AHNAK: variants seen among roughly 807,000 people sequenced by gnomAD.
AHNAK encodes neuroblast differentiation-associated protein AHNAK.
A neutral mutation model predicts 37.8 loss-of-function variants in AHNAK; 23 were observed. That is an observed-to-expected ratio of 0.61 (90% CI 0.44 to 0.86). The LOEUF (loss-of-function observed/expected upper bound fraction) is 0.86, where lower values mean the gene tolerates loss of function less well. Among genes scored for constraint, AHNAK ranks in the 40% least tolerant of loss-of-function variants. The pLI is 0.00. For missense variants in AHNAK, 7,411 were observed against 7,319.4 expected (o/e 1.01, Z -0.46); for synonymous variants, 2,481 against 2,636.3 (o/e 0.94, Z 1.80).
chr11:62,500,541 G>T (rs567438424), intron 4 of AHNAK, among the ~76,000 whole-genome samples: 1 of 152,166 alleles, frequency 6.6e-6, no homozygotes, highest in African/African-American at 2.4e-5. Context: ...CAGAGAGCCC[G>T]ATGATGACAC....
In AHNAK at chr11:62,525,624, G is replaced by A. The variant is rs377182257; in HGVS notation, c.8793C>T (p.Asp2931=). The A allele has an allele frequency of 1.3e-5, 21 of 1,612,654 alleles. No individual in the cohort carries two copies. The highest frequency in any genetic ancestry group is 8.8e-5 in the South Asian group (8 of 91,022). The change falls in exon 5 of 5, where the codon GAC becomes GAT. Residue 2931 remains aspartate, a synonymous_variant. Coordinates refer to ENST00000378024, the MANE Select transcript of AHNAK (RefSeq NM_001620.3). ...ADVDVSGPKV[D]VEGPDVNIEG... is the part of the protein sequence containing the mutation. ...CAATGTTAACATCAGGGCCTTCAACGTCCACTTTGGGGCCTGAGACATCAA... is the reference window on the plus strand; with the variant it reads ...CAATGTTAACATCAGGGCCTTCAACATCCACTTTGGGGCCTGAGACATCAA...
In AHNAK at chr11:62,506,623, G is replaced by T. The variant is rs557591850; in HGVS notation, c.343-14792C>A. Among the ~76,000 whole-genome samples, 13 of 152,334 alleles carry T rather than the reference G, an allele frequency of 8.5e-5. No homozygotes were observed. The South Asian group carries it at 2.7e-3, about 32-fold the overall frequency. On this transcript the variant is annotated intron_variant, in intron 4 of 5. Coordinates refer to the AHNAK transcript ENST00000257247. ...GTGCCTGGCCTGCATTTTCCTAGCT[G>T]CAGGGCAGCAGGACGCCATGGGCTT...
rs370827020 is a variant in AHNAK, at chr11:62,520,125, G to A, written c.14292C>T (p.Ile4764=). The change falls in exon 5 of 5, where the codon ATC becomes ATT. Residue 4764 remains isoleucine (I), a synonymous_variant. Coordinates refer to ENST00000378024, the MANE Select transcript of AHNAK (RefSeq NM_001620.3). ...CATGAACATCCACATCAGGGGTGTT[G>A]ATGTCCACTTTTGGGCCCTTGATGT... ...EADIKGPKVD[I]NTPDVDVHGP... 79 of 1,611,376 alleles carry A rather than the reference G, an allele frequency of 4.9e-5. 1 individual carries two copies. Among genetic ancestry groups the A allele is most frequent in the Non-Finnish European group, 6.5e-5 (77 of 1,179,340 alleles).
chr11:62,440,278 G>C (rs745517244), intron 5 of AHNAK, among the ~76,000 whole-genome samples: 1 of 152,118 alleles, frequency 6.6e-6, no homozygotes, highest in Non-Finnish European at 1.5e-5. Flanking sequence ...GACACTGAGA[G>C]GGGGAGGGAG....
At position 62,525,479 on chromosome 11, in the gene AHNAK, C is replaced by T. The variant is rs986610440; in HGVS notation, c.8938G>A (p.Asp2980Asn). 3.9e-5 allele frequency: 63 copies of T among 1,613,698 alleles called. No individual in the cohort carries two copies. The highest frequency in any genetic ancestry group is 5.1e-5 in the Non-Finnish European group (60 of 1,179,982). ...ACTTTGGGCAGAGAAATATCCACAT[C>T]GCCCTTCACCTTGGGACCTTTCAGA... Reference protein sequence around the residue: ...LHLKGPKVKGDVDISLPKVEG... With the variant: ...LHLKGPKVKGNVDISLPKVEG... Residue 2980 changes from aspartate to asparagine, a missense_variant, in exon 5 of 5, where the codon GAT becomes AAT. Asp to Asn is a conservative substitution (Grantham distance 23). Transcript: ENST00000378024.
At chr11:62,470,312 G>A (rs1590608050) in intron 5 of AHNAK, among the ~76,000 whole-genome samples, 1 of 152,158 alleles carries the variant, frequency 6.6e-6, no homozygotes, top group East Asian at 1.9e-4. Context: ...CAGGCATGGT[G>A]GCATGCGCCT....
rs1940218293 is a variant in AHNAK at position 62,521,029 on chromosome 11, T to G, written c.13388A>C (p.Asp4463Ala). Residue 4463 changes from aspartate to alanine, a missense_variant, in exon 5 of 5, where the codon GAC becomes GCC. By Grantham distance (126) the Asp-to-Ala change is moderately radical (BLOSUM62 -2). Transcript: ENST00000378024. Reference sequence around the variant, plus strand: ...GGGACCTTTCAGGTGCAAATCAAAGTCAGGCATAGAGATTTTGGGAGCTTT... The same window carrying G: ...GGGACCTTTCAGGTGCAAATCAAAGGCAGGCATAGAGATTTTGGGAGCTTT... ...NIKAPKISMP[D>A]FDLHLKGPKV... 1.9e-6 allele frequency: 3 copies of G among 1,614,068 alleles called. No homozygotes were observed. Among genetic ancestry groups the G allele is most frequent in the Non-Finnish European group, 2.5e-6 (3 of 1,180,018 alleles).
chr11:62,546,731 G>A lies in AHNAK; in HGVS notation c.-171C>T, dbSNP rs1941324226. On this transcript the variant is annotated 5_prime_UTR_variant, in exon 1 of 5. Coordinates refer to ENST00000378024, the MANE Select transcript of AHNAK (RefSeq NM_001620.3). ...AGGCTGCGGTGCTGCGGCTACTGGCGGCGACGAGCCCCGTTCCGGGCGGGT... is the reference window on the plus strand; with the variant it reads ...AGGCTGCGGTGCTGCGGCTACTGGCAGCGACGAGCCCCGTTCCGGGCGGGT... 1 of 152,728 alleles carries A rather than the reference G, an allele frequency of 6.5e-6. No individual in the cohort carries two copies. Among genetic ancestry groups the A allele is most frequent in the East Asian group, 1.9e-4 (1 of 5,206 alleles). 9.5% of individuals were successfully genotyped at this position (152,728 alleles called of 1,614,324 possible). A position where few individuals can be genotyped will look rare whatever the true frequency, so the allele number is the denominator to read the frequency against.
At chr11:62,437,710 G>C (rs1262990632) in intron 5 of AHNAK, among the ~76,000 whole-genome samples, 5 of 152,074 alleles carry the variant, frequency 3.3e-5, no homozygotes, top group African/African-American at 1.2e-4. Context: ...TGTACAGCAG[G>C]CATATCTATA....
rs370886395 is a variant in AHNAK, at chr11:62,524,506, C to T, written c.9911G>A (p.Gly3304Asp). The T allele has an allele frequency of 3.8e-5, 62 of 1,613,970 alleles. No homozygotes were observed. Among genetic ancestry groups the T allele is most frequent in the Admixed American group, 5.0e-5 (3 of 59,988 alleles). ...ATCAACATCTCCCTTAAGCTTTGAG[C>T]CTTTCAAATTCAAGTCAATTTCTGG... ...SMPEIDLNLK[G>D]SKLKGDVDVS... Residue 3304 changes from glycine (G) to aspartate (D), a missense_variant, in exon 5 of 5, where the codon GGC becomes GAC. Transcript: ENST00000378024.
chr11:62,443,383 C>T (rs1240388699), intron 5 of AHNAK, among the ~76,000 whole-genome samples: 1 of 151,576 alleles, frequency 6.6e-6, no homozygotes, highest in African/African-American at 2.4e-5. Context: ...AGCGATTCTC[C>T]TGCCTCAGCC....
At chr11:62,479,623 A>G (rs1939224688) in intron 5 of AHNAK, among the ~76,000 whole-genome samples, 1 of 152,138 alleles carries the variant, frequency 6.6e-6, no homozygotes, top group Non-Finnish European at 1.5e-5. Context: ...TAAGCCTTCT[A>G]TTAAGATGTT....
At chr11:62,540,130 G>A (rs1445094046) in intron 1 of AHNAK, among the ~76,000 whole-genome samples, 1 of 152,206 alleles carries the variant, frequency 6.6e-6, no homozygotes, top group Non-Finnish European at 1.5e-5. Context: ...TTGGAGCTTT[G>A]GGGAATTCTG....
intron 2 of AHNAK, 21 bp downstream of exon 2, chr11:62,536,448 C>G (rs1239291733): frequency 9.2e-6 from 2 of 217,254 alleles, no homozygotes; most frequent in Admixed American, 1.2e-4. Context: ...CCGCCTCTCT[C>G]TGCCTCTCCC....
chr11:62,455,263 C>T (rs914631323), intron 5 of AHNAK, among the ~76,000 whole-genome samples: 8 of 151,942 alleles, frequency 5.3e-5, no homozygotes, highest in African/African-American at 1.9e-4. Context: ...CCAACTAGCT[C>T]CGCTAGAAGG....
chr11:62,538,035 G>A (rs1459620478), intron 1 of AHNAK, among the ~76,000 whole-genome samples: 3 of 152,016 alleles, frequency 2.0e-5, no homozygotes, highest in Non-Finnish European at 4.4e-5. Context: ...GCTTGTAACA[G>A]GTGGGAGCCT....
intron 5 of AHNAK, chr11:62,433,979 A>G (rs1369732615): frequency 3.2e-6 from 5 of 1,549,110 alleles, no homozygotes; most frequent in Non-Finnish European, 3.5e-6. Context: ...ACTTTGCACC[A>G]ACTGAAAGAA....
chr11:62,527,052 C>CTCTGAA lies in AHNAK; in HGVS notation c.7364_7365insTTCAGA (p.Met2455delinsIleSerGlu), dbSNP rs1308376169. 1 of 1,614,118 alleles carries CTCTGAA rather than the reference C, an allele frequency of 6.2e-7. No individual in the cohort carries two copies. The highest frequency in any genetic ancestry group is 1.1e-5 in the South Asian group (1 of 91,066). On this transcript the variant is annotated protein_altering_variant, in exon 5 of 5. Transcript: ENST00000378024. ...CTTTGAGATTTAGATCAACATCAGGCATAGAAATATTGGGGGCTTTGAAAT... is the reference window on the plus strand; with the variant it reads ...CTTTGAGATTTAGATCAACATCAGGCTCTGAAATAGAAATATTGGGGGCTTTGAAAT...
chr11:62,455,195 A>G (rs1938629934), intron 5 of AHNAK, among the ~76,000 whole-genome samples: 1 of 151,378 alleles, frequency 6.6e-6, no homozygotes, highest in Admixed American at 6.6e-5. Context: ...AGCCTCCCAA[A>G]GTGCTGGGAT....
Sources: gnomAD v4.1 joint callset for allele counts (sites outside exome capture counted in the v4.1 genomes callset) on GRCh38, gnomAD v4.1.1 for gene constraint, MANE v1.5 for transcripts, NCBI Gene and HGNC (gene_info 2026-07-23, HGNC 2026-07-21) for gene names.